TGFBR3: variants seen among roughly 807,000 people sequenced by gnomAD.
TGFBR3 encodes the protein transforming growth factor beta receptor 3.
In TGFBR3, 46 loss-of-function variants were observed where a neutral mutation model predicts 87.9. The ratio of observed to expected loss-of-function variants is 0.52; its 90% CI spans 0.41 to 0.67. The LOEUF is 0.67. Among genes scored for constraint, TGFBR3 ranks in the 30% least tolerant of loss-of-function variants. TGFBR3 has a pLI of 0.00. For synonymous variants in TGFBR3, 381 were observed against 391.6 expected (o/e 0.97, Z 0.32); for missense variants, 866 against 1,041.9 (o/e 0.83, Z 2.32).
At chr1:91,905,589 C>G (rs767117576) in intron 1 of TGFBR3, among the ~76,000 whole-genome samples, 1 of 152,030 alleles carries the variant, frequency 6.6e-6, no homozygotes, top group Non-Finnish European at 1.5e-5. Context: ...CCCACCAGCA[C>G]GCAAAGCTAA....
In TGFBR3 at chr1:91,680,792, T is replaced by G. The variant is rs1378565275; in HGVS notation, c.*2947A>C. ...ACGCGTGTGAGCACCCCACACACAC[T>G]CACAATCATGCCCACTAAGAACACA... On this transcript the variant is annotated 3_prime_UTR_variant, in exon 17 of 17. Coordinates refer to ENST00000212355, the MANE Select transcript of TGFBR3 (RefSeq NM_003243.5). The G allele has an allele frequency of 2.2e-6, 1 of 453,586 alleles. No individual in the cohort carries two copies. The highest frequency in any genetic ancestry group is 4.4e-6 in the Non-Finnish European group (1 of 226,612). 28.1% of individuals were successfully genotyped at this position (453,586 alleles called of 1,614,324 possible). A position where few individuals can be genotyped will look rare whatever the true frequency, so the allele number is the denominator to read the frequency against.
intron 2 of TGFBR3, among the ~76,000 whole-genome samples, chr1:91,802,664 A>C (rs967774525): frequency 6.6e-5 from 10 of 151,788 alleles, no homozygotes; most frequent in African/African-American, 2.4e-4. Flanking sequence ...CCTGGCCCAT[A>C]CTTCTTTTTC....
intron 4 of TGFBR3, among the ~76,000 whole-genome samples, chr1:91,751,615 T>C (rs1332352559): frequency 3.9e-5 from 6 of 152,002 alleles, no homozygotes; most frequent in African/African-American, 1.5e-4. Flanking sequence ...GCCCAAAATA[T>C]TTGGACCTTT....
intron 4 of TGFBR3, among the ~76,000 whole-genome samples, chr1:91,750,752 A>T (rs1050579188): frequency 5.9e-5 from 9 of 152,250 alleles, no homozygotes; most frequent in Admixed American, 2.6e-4. Flanking sequence ...TCCCTGGAAT[A>T]CAGGGGTAAT....
intron 4 of TGFBR3, 103 bp from the exon 5 acceptor site, chr1:91,735,062 C>T: frequency 7.4e-7 from 1 of 1,343,276 alleles, no homozygotes; most frequent in Non-Finnish European, 1.1e-6. Flanking sequence ...AATCGAACCT[C>T]TTCCCTTTGT....
At chr1:91,707,896 G>A (rs534491429) in intron 14 of TGFBR3, among the ~76,000 whole-genome samples, 34 of 152,304 alleles carry the variant, frequency 2.2e-4, no homozygotes, top group Non-Finnish European at 3.7e-4. Context: ...CTTGTCAGAT[G>A]CTCTTCTCAC....
At chr1:91,833,471 A>C (rs1676939538) in intron 2 of TGFBR3, among the ~76,000 whole-genome samples, 1 of 148,630 alleles carries the variant, frequency 6.7e-6, no homozygotes, top group Non-Finnish European at 1.5e-5. Flanking sequence ...AAAAAAAAAA[A>C]AAAAAAAAAA....
intron 2 of TGFBR3, among the ~76,000 whole-genome samples, chr1:91,800,243 T>A (rs946333145): frequency 0.014 from 1,611 of 111,276 alleles, 26 homozygotes; most frequent in African/African-American, 0.019. Context: ...AAAAAAAAAA[T>A]ATATATATAT....
At chr1:91,707,600 G>A (rs564962817) in intron 14 of TGFBR3, among the ~76,000 whole-genome samples, 3 of 152,226 alleles carry the variant, frequency 2.0e-5, no homozygotes, top group Non-Finnish European at 4.4e-5. Context: ...GCCAGACAGT[G>A]TGCTGGCTTT....
chr1:91,825,495 G>C (rs1433942248), intron 2 of TGFBR3, among the ~76,000 whole-genome samples: 1 of 152,204 alleles, frequency 6.6e-6, no homozygotes, highest in Non-Finnish European at 1.5e-5. Context: ...GGGAAGAATA[G>C]GGAGAGATTG....
At chr1:91,894,171 C>T (rs1679506205) in intron 2 of TGFBR3, among the ~76,000 whole-genome samples, 1 of 152,124 alleles carries the variant, frequency 6.6e-6, no homozygotes. Context: ...TTTATCTATG[C>T]GTCTTCTCTG....
intron 1 of TGFBR3, among the ~76,000 whole-genome samples, chr1:91,865,898 C>T (rs1571586695): frequency 1.5e-5 from 2 of 137,436 alleles, no homozygotes; most frequent in South Asian, 4.7e-4. Flanking sequence ...GGTGACAGAG[C>T]GAGACTACGT....
At chr1:91,743,874 G>A (rs1673241687) in intron 4 of TGFBR3, among the ~76,000 whole-genome samples, 1 of 152,166 alleles carries the variant, frequency 6.6e-6, no homozygotes, top group Non-Finnish European at 1.5e-5. Context: ...GTTATCCAAT[G>A]TAGTGTCCAC....
chr1:91,707,667 C>T (rs1471975747), intron 14 of TGFBR3, among the ~76,000 whole-genome samples: 1 of 152,212 alleles, frequency 6.6e-6, no homozygotes, highest in Non-Finnish European at 1.5e-5. Context: ...CGAGAGGCAG[C>T]CTGTAGCTCT....
At chr1:91,783,728 A>G (rs993908083) in intron 3 of TGFBR3, among the ~76,000 whole-genome samples, 1 of 152,232 alleles carries the variant, frequency 6.6e-6, no homozygotes, top group Non-Finnish European at 1.5e-5. Flanking sequence ...ACAAAGGAAA[A>G]AGCCATATTA....
intron 2 of TGFBR3, among the ~76,000 whole-genome samples, chr1:91,799,481 G>A (rs768426773): frequency 2.8e-4 from 43 of 152,224 alleles, no homozygotes; most frequent in Admixed American, 1.0e-3. Flanking sequence ...TTTCCCAGCC[G>A]CAGTGGGATG....
At position 91,746,613 on chromosome 1, in the gene TGFBR3, ACTCT is replaced by A. The variant is rs201890091; in HGVS notation, c.385-11658_385-11655del. Among the ~76,000 whole-genome samples the A allele has an allele frequency of 7.7e-3, 1,171 of 152,014 alleles. 6 individuals carry two copies. The highest frequency in any genetic ancestry group is 0.011 in the Non-Finnish European group (741 of 67,966). On this transcript the variant is annotated intron_variant, in intron 4 of 16. Coordinates refer to ENST00000212355, the MANE Select transcript of TGFBR3 (RefSeq NM_003243.5). ...CCTGGAGAACCCCACAGGAGGGAAGACTCTCTTTTTTTTTCTTCTAAGTTACATC... is the reference window on the plus strand; with the variant it reads ...CCTGGAGAACCCCACAGGAGGGAAGACTTTTTTTTTCTTCTAAGTTACATC...
In TGFBR3 at chr1:91,682,328, C is replaced by G. The variant is rs1040121924; in HGVS notation, c.*1411G>C. Reference sequence around the variant, plus strand: ...AATTCTAAGTTGTTTGGGGGAAATTCTGGAAAAAGAATAATTTGCAATGAA... The same window carrying G: ...AATTCTAAGTTGTTTGGGGGAAATTGTGGAAAAAGAATAATTTGCAATGAA... On this transcript the variant is annotated 3_prime_UTR_variant, in exon 17 of 17. Transcript: ENST00000212355. 6 of 451,486 alleles carry G rather than the reference C, an allele frequency of 1.3e-5. No individual in the cohort carries two copies. The highest frequency in any genetic ancestry group is 1.4e-4 in the East Asian group (2 of 14,306). 28.0% of individuals were successfully genotyped at this position (451,486 alleles called of 1,614,324 possible).
At chr1:91,762,758 A>G (rs1232013368) in intron 3 of TGFBR3, among the ~76,000 whole-genome samples, 1 of 152,262 alleles carries the variant, frequency 6.6e-6, no homozygotes, top group Non-Finnish European at 1.5e-5. Context: ...CTGTTCTACA[A>G]CATCTATTCA....
Sources: allele counts gnomAD v4.1 joint callset (sites outside exome capture counted in the v4.1 genomes callset), GRCh38; gene constraint gnomAD v4.1.1; transcripts MANE v1.5; gene names NCBI Gene and HGNC (gene_info 2026-07-23, HGNC 2026-07-21).